Variants in BHMT observed in about 807,000 individuals in gnomAD.
BHMT encodes the protein betaine--homocysteine S-methyltransferase 1.
A neutral mutation model predicts 49.5 loss-of-function variants in BHMT; 38 were observed. The observed-to-expected ratio is 0.77, with a 90% CI of 0.59 to 1.01. BHMT has a LOEUF of 1.01. BHMT is among the 50% of genes least tolerant of loss of function. The probability of loss-of-function intolerance (pLI) is 0.00; values close to 1 mark genes in which losing one functional copy is unlikely to be tolerated. For missense variants in BHMT, 426 were observed against 495.7 expected (o/e 0.86, Z 1.34); for synonymous variants, 166 against 176.3 (o/e 0.94, Z 0.46).
Position 79,123,419 on chromosome 5 carries a change from T to C in BHMT, c.625+2054T>C, listed in dbSNP as rs377431726. 2.0e-5 allele frequency among the ~76,000 whole-genome samples: 3 copies of C among 152,346 alleles called. No homozygotes were observed. The East Asian group carries it at 5.8e-4, about 29-fold the overall frequency. On this transcript the variant is annotated intron_variant, in intron 5 of 7. Coordinates refer to ENST00000274353, the MANE Select transcript of BHMT (RefSeq NM_001713.3). ...GAACACTGGGGTCACTCATCACTCA[T>C]GCTGCATCCAGAAATAATCTCTCTT... is the stretch of plus-strand genomic sequence containing the variant.
chr5:79,114,732 T>C lies in BHMT; in HGVS notation c.34-1035T>C, dbSNP rs542399126. 8.5e-5 allele frequency among the ~76,000 whole-genome samples: 13 copies of C among 152,326 alleles called. No individual in the cohort carries two copies. The South Asian group carries it at 2.5e-3, about 29-fold the overall frequency. On this transcript the variant is annotated intron_variant, in intron 1 of 7. Coordinates refer to ENST00000274353, the MANE Select transcript of BHMT (RefSeq NM_001713.3). The stretch of plus-strand genomic sequence containing the variant: ...GTCAGGAAGCCCTATGCTCCCCATC[T>C]GGAAAACCATGTATAAATTACTCAG...
Position 79,120,336 on chromosome 5 carries a change from C to T in BHMT, c.286-14C>T, listed in dbSNP as rs547503968. On this transcript the variant is annotated splice_polypyrimidine_tract_variant and intron_variant, in intron 3 of 7. Transcript: ENST00000274353. ...CATGAAAATTTAGATGTCTCATATACTCACCCATTTTAGGGGCAGGAAGTC... is the reference window on the plus strand; with the variant it reads ...CATGAAAATTTAGATGTCTCATATATTCACCCATTTTAGGGGCAGGAAGTC... 1.1e-5 allele frequency: 18 copies of T among 1,596,772 alleles called. No individual in the cohort carries two copies. The highest frequency in any genetic ancestry group is 1.7e-4 in the Middle Eastern group (1 of 5,974).
rs1756644113 is a variant in BHMT, at chr5:79,131,563, A to T, written c.*447A>T. On this transcript the variant is annotated 3_prime_UTR_variant, in exon 8 of 8. Coordinates refer to ENST00000274353, the MANE Select transcript of BHMT (RefSeq NM_001713.3). ...ACCCTTAGTAACAAACACAATTTATATAATGACCCAGCAAAACACATCACA... is the reference window on the plus strand; with the variant it reads ...ACCCTTAGTAACAAACACAATTTATTTAATGACCCAGCAAAACACATCACA... 6.5e-6 allele frequency: 1 copy of T among 152,968 alleles called. No homozygotes were observed. The highest frequency in any genetic ancestry group is 2.1e-4 in the South Asian group (1 of 4,846). The allele number at this position is 152,968 out of a possible 1,614,324, so 9.5% of individuals were successfully genotyped here. A position where few individuals can be genotyped will look rare whatever the true frequency, so the allele number is the denominator to read the frequency against.
At position 79,126,139 on chromosome 5, in the gene BHMT, T is replaced by TG; in HGVS notation, c.720dup (p.Lys241GlufsTer15). 1 of 1,613,650 alleles carries TG rather than the reference T, an allele frequency of 6.2e-7. No individual in the cohort carries two copies. The highest frequency in any genetic ancestry group is 8.5e-7 in the Non-Finnish European group (1 of 1,179,576). ...AAGGAGGGCTTGGAGGCTGCCCGAC[T>TG]GAAAGCTCACCTGATGAGCCAGCCC... On this transcript the variant is annotated frameshift_variant, in exon 6 of 8. Coordinates refer to ENST00000274353, the MANE Select transcript of BHMT (RefSeq NM_001713.3). LOFTEE classifies it high-confidence loss of function.
intron 7 of BHMT, among the ~76,000 whole-genome samples, chr5:79,130,333 A>G (rs184028298): frequency 5.9e-5 from 9 of 152,328 alleles, no homozygotes; most frequent in African/African-American, 1.9e-4. Flanking sequence ...ATCAGTTTTT[A>G]CATCAAAGGG....
In BHMT at chr5:79,121,199, T is replaced by C. The variant is rs1441763362; in HGVS notation, c.478-19T>C. ...GGGAGAAACGAGATTAAAAGTACTC[T>C]AACCTTAACTGATTCCAGTATTTTG... On this transcript the variant is annotated intron_variant, in intron 4 of 7. Coordinates refer to ENST00000274353, the MANE Select transcript of BHMT (RefSeq NM_001713.3). 1.2e-6 allele frequency: 2 copies of C among 1,610,492 alleles called. No homozygotes were observed. Among genetic ancestry groups the C allele is most frequent in the Non-Finnish European group, 1.7e-6 (2 of 1,178,102 alleles).
intron 4 of BHMT, 94 bp downstream of exon 4, chr5:79,120,635 A>G: frequency 8.7e-7 from 1 of 1,144,008 alleles, no homozygotes; most frequent in Non-Finnish European, 1.2e-6. Flanking sequence ...TTAGGTGACA[A>G]TCATAACTAG....
At chr5:79,114,085 GTATA>G (rs60812751) in intron 1 of BHMT, among the ~76,000 whole-genome samples, 1 of 146,052 alleles carries the variant, frequency 6.8e-6, no homozygotes, top group Admixed American at 6.9e-5. Flanking sequence ...GCTGGCAGTA[GTATA>G]TATATATATA....
chr5:79,113,348 C>G (rs182465848), intron 1 of BHMT, among the ~76,000 whole-genome samples: 1 of 152,106 alleles, frequency 6.6e-6, no homozygotes, highest in African/African-American at 2.4e-5. Flanking sequence ...GTAAGTCTAA[C>G]TTATTCCCCA....
Position 79,127,752 on chromosome 5 carries a change from C to T in BHMT, c.809-3C>T. 2 of 1,613,906 alleles carry T rather than the reference C, an allele frequency of 1.2e-6. No homozygotes were observed. Among genetic ancestry groups the T allele is most frequent in the Non-Finnish European group, 8.5e-7 (1 of 1,179,862 alleles). On this transcript the variant is annotated splice_region_variant and splice_polypyrimidine_tract_variant and intron_variant, in intron 6 of 7. Coordinates refer to ENST00000274353, the MANE Select transcript of BHMT (RefSeq NM_001713.3). ...CCTAATGGCATAATGCCACTTATTA[C>T]AGGACTGGAACCCAGAGTTGCCACC...
At chr5:79,113,209 A>G (rs1475578122) in intron 1 of BHMT, among the ~76,000 whole-genome samples, 2 of 152,242 alleles carry the variant, frequency 1.3e-5, no homozygotes, top group African/African-American at 2.4e-5. Flanking sequence ...ACTATGGACT[A>G]TCACCAGTCA....
At chr5:79,120,263 A>G (rs1235046898) in intron 3 of BHMT, 87 bp from the exon 4 acceptor site, 1 of 1,265,184 alleles carries the variant, frequency 7.9e-7, no homozygotes, top group African/African-American at 1.5e-5. Flanking sequence ...TATTGTAAAT[A>G]TACAACTAAG....
At chr5:79,120,834 T>C (rs1174836795) in intron 4 of BHMT, among the ~76,000 whole-genome samples, 2 of 152,220 alleles carry the variant, frequency 1.3e-5, no homozygotes, top group Non-Finnish European at 2.9e-5. Context: ...ATGAAGTTTT[T>C]AAGCAATAGA....
At chr5:79,130,891 G>A (rs369573195) in intron 7 of BHMT, 42 bp from the exon 8 acceptor site, 11 of 1,494,882 alleles carry the variant, frequency 7.4e-6, no homozygotes, top group Middle Eastern at 4.1e-4. Context: ...CAAAGCTAGG[G>A]GAGGAGTCTG....
chr5:79,113,856 C>G (rs1012614810), intron 1 of BHMT, among the ~76,000 whole-genome samples: 1 of 152,006 alleles, frequency 6.6e-6, no homozygotes, highest in African/African-American at 2.4e-5. Flanking sequence ...AGTGCATGAG[C>G]CACATAGTAA....
intron 6 of BHMT, 88 bp from the exon 7 acceptor site, chr5:79,127,667 A>G (rs1756572476): frequency 6.9e-7 from 1 of 1,451,836 alleles, no homozygotes; most frequent in Middle Eastern, 1.8e-4. Flanking sequence ...CAATTCATTT[A>G]TTGAAAATTA....
At chr5:79,119,454 G>A in intron 3 of BHMT, 77 bp downstream of exon 3, 5 of 1,111,860 alleles carry the variant, frequency 4.5e-6, no homozygotes, top group Non-Finnish European at 6.5e-6. Flanking sequence ...ATAGAGAAAA[G>A]GGTTCAACCT....
intron 1 of BHMT, among the ~76,000 whole-genome samples, chr5:79,115,229 A>G (rs1756367876): frequency 6.6e-6 from 1 of 151,418 alleles, no homozygotes; most frequent in African/African-American, 2.4e-5. Flanking sequence ...GCTGCTGGGG[A>G]GGGTGAGACT....
At chr5:79,127,425 T>C (rs62365156) in intron 6 of BHMT, among the ~76,000 whole-genome samples, 25 of 152,158 alleles carry the variant, frequency 1.6e-4, no homozygotes, top group Non-Finnish European at 3.5e-4. Flanking sequence ...GCAGAAACCA[T>C]GATGTTTTGT....
Sources: allele counts gnomAD v4.1 joint callset (sites outside exome capture counted in the v4.1 genomes callset), GRCh38; gene constraint gnomAD v4.1.1; transcripts MANE v1.5; gene names NCBI Gene and HGNC (gene_info 2026-07-23, HGNC 2026-07-21).